The following RGS3 variants were observed in gnomAD, a reference collection of about 807,000 sequenced individuals.
RGS3 encodes regulator of G-protein signalling 3.
In RGS3, 80 loss-of-function variants were observed where a neutral mutation model predicts 132.6. The ratio of observed to expected loss-of-function variants is 0.60; its 90% confidence interval spans 0.50 to 0.73. The LOEUF is 0.73. Ranked by LOEUF, RGS3 falls within the 30% of genes least tolerant of loss-of-function variation. RGS3 has a pLI of 0.00. For missense variants in RGS3, 1,382 were observed against 1,530.8 expected, an observed-to-expected ratio of 0.90 and a Z score of 1.62; for synonymous variants, 598 against 620.6, an observed-to-expected ratio of 0.96 and a Z score of 0.54.
chr9:113,449,658 A>G (rs987291722), intron 1 of RGS3, among the ~76,000 whole-genome samples: 13 of 152,312 alleles, frequency 8.5e-5, no homozygotes, highest in African/African-American at 2.6e-4. Flanking sequence ...TTATTTAAGG[A>G]TAACTGTGGT....
At chr9:113,512,658 C>A (rs1481589264) in intron 14 of RGS3, among the ~76,000 whole-genome samples, 1 of 152,116 alleles carries the variant, frequency 6.6e-6, no homozygotes, top group East Asian at 1.9e-4. Context: ...GCCACCTGTT[C>A]CCCCCTCGCT....
At chr9:113,588,464 G>A (rs1280690079) in intron 20 of RGS3, among the ~76,000 whole-genome samples, 1 of 152,188 alleles carries the variant, frequency 6.6e-6, no homozygotes, top group Admixed American at 6.5e-5. Flanking sequence ...CCTGCTCACA[G>A]ACGAGCGCTC....
chr9:113,476,842 C>T (rs1232215305), intron 3 of RGS3, among the ~76,000 whole-genome samples: 1 of 152,198 alleles, frequency 6.6e-6, no homozygotes, highest in Non-Finnish European at 1.5e-5. Context: ...GGGCAAAGGG[C>T]CACTGTTAGT....
chr9:113,543,143 C>T lies in RGS3; in HGVS notation c.2037+6225C>T, dbSNP rs185532300. The stretch of plus-strand genomic sequence containing the variant: ...AAAAGGGTATCAAGAGGATTAGAGT[C>T]ACTTGCATAGGAAAAGAGGGTCAGA... On this transcript the variant is annotated intron_variant, in intron 19 of 24. Transcript: ENST00000350696. Among the ~76,000 whole-genome samples, 9 of 152,340 alleles carry T rather than the reference C, an allele frequency of 5.9e-5. No homozygotes were observed. The East Asian group carries it at 1.7e-3, about 29-fold the overall frequency.
At chr9:113,521,474 G>A (rs892853265) in intron 16 of RGS3, among the ~76,000 whole-genome samples, 1 of 152,188 alleles carries the variant, frequency 6.6e-6, no homozygotes. Flanking sequence ...TAACTATAGA[G>A]AAATGTGTTG....
chr9:113,515,450 A>AT (rs1218134887), intron 15 of RGS3, among the ~76,000 whole-genome samples: 2 of 152,062 alleles, frequency 1.3e-5, no homozygotes, highest in Non-Finnish European at 2.9e-5. Flanking sequence ...GGTCAAGATA[A>AT]AAACCCCATC....
At chr9:113,496,463 G>A (rs1247786819) in intron 8 of RGS3, among the ~76,000 whole-genome samples, 1 of 152,146 alleles carries the variant, frequency 6.6e-6, no homozygotes, top group African/African-American at 2.4e-5. Flanking sequence ...CTTGTGGCAT[G>A]GCCTGCCACG....
chr9:113,515,499 C>T (rs1831608669), intron 15 of RGS3, among the ~76,000 whole-genome samples: 1 of 151,906 alleles, frequency 6.6e-6, no homozygotes, highest in Admixed American at 6.6e-5. Flanking sequence ...GGTGCGGTGG[C>T]AGGCGCCTGT....
At chr9:113,564,095 T>C (rs957685916) in intron 19 of RGS3, among the ~76,000 whole-genome samples, 2 of 152,204 alleles carry the variant, frequency 1.3e-5, no homozygotes, top group African/African-American at 2.4e-5. Context: ...CATGACAAAC[T>C]GCAGCACCAG....
At chr9:113,475,696 G>A (rs890988139) in intron 3 of RGS3, among the ~76,000 whole-genome samples, 4 of 150,332 alleles carry the variant, frequency 2.7e-5, no homozygotes, top group Non-Finnish European at 5.9e-5. Flanking sequence ...AGGCATGAGC[G>A]ACCACACCCC....
At chr9:113,496,660 C>T (rs1456101515) in intron 8 of RGS3, among the ~76,000 whole-genome samples, 2 of 152,120 alleles carry the variant, frequency 1.3e-5, no homozygotes, top group African/African-American at 4.8e-5. Flanking sequence ...AAGCAATTCT[C>T]CTGCCTCAGC....
exon 20 of RGS3, chr9:113,584,217 C>G: frequency 6.2e-7 from 1 of 1,613,830 alleles, no homozygotes; most frequent in South Asian, 1.1e-5. Context: ...GTGTGCAGAA[C>G]TCGCTGCGGC....
chr9:113,590,523 T>A (rs1260442401), intron 20 of RGS3, among the ~76,000 whole-genome samples: 3 of 150,960 alleles, frequency 2.0e-5, no homozygotes, highest in South Asian at 4.2e-4. Flanking sequence ...CATCCATCCA[T>A]CCATCCACTC....
chr9:113,453,728 T>C (rs868583875), intron 1 of RGS3, among the ~76,000 whole-genome samples: 1 of 124,614 alleles, frequency 8.0e-6, no homozygotes, highest in African/African-American at 3.1e-5. Context: ...GATTATATAA[T>C]ATACTCATTA....
intron 19 of RGS3, among the ~76,000 whole-genome samples, chr9:113,556,153 G>C (rs545098867): frequency 1.3e-5 from 2 of 152,202 alleles, no homozygotes; most frequent in East Asian, 1.9e-4. Flanking sequence ...GTTTTTCCTT[G>C]ATTCTCTAAA....
exon 22 of RGS3, chr9:113,594,468 G>C (rs377319819): frequency 6.2e-7 from 1 of 1,613,616 alleles, no homozygotes; most frequent in Admixed American, 1.7e-5. Flanking sequence ...ATCTTCAGAC[G>C]GCGGAATGAG....
At chr9:113,564,284 G>C (rs760468330) in intron 19 of RGS3, among the ~76,000 whole-genome samples, 1 of 152,160 alleles carries the variant, frequency 6.6e-6, no homozygotes, top group Non-Finnish European at 1.5e-5. Context: ...TCTGTAACTG[G>C]GGTAATCATA....
upstream of RGS3, among the ~76,000 whole-genome samples, chr9:113,455,950 T>G (rs1267689435): frequency 6.6e-6 from 1 of 152,218 alleles, no homozygotes; most frequent in Non-Finnish European, 1.5e-5. Flanking sequence ...ACCTTTTCAT[T>G]CATGTGAAGT....
intron 21 of RGS3, chr9:113,594,044 T>A (rs779825056): frequency 6.2e-6 from 10 of 1,612,814 alleles, no homozygotes; most frequent in Non-Finnish European, 8.5e-6. Context: ...CAGAAGGAAT[T>A]TTTTTTTCCG....
Sources: allele counts gnomAD v4.1 joint callset (sites outside exome capture counted in the v4.1 genomes callset), GRCh38; gene constraint gnomAD v4.1.1; transcripts MANE v1.5; gene names NCBI Gene and HGNC (gene_info 2026-07-23, HGNC 2026-07-21).